NOTCH2: variants seen among roughly 807,000 people sequenced by gnomAD.
NOTCH2 encodes neurogenic locus notch homolog protein 2.
Under a neutral mutation model 235.8 loss-of-function variants are expected in NOTCH2, and 29 were observed. The observed-to-expected ratio is 0.12, with a 90% confidence interval of 0.09 to 0.17. NOTCH2 has a LOEUF of 0.17. Among genes scored for constraint, NOTCH2 ranks in the 10% least tolerant of loss-of-function variants. The probability of loss-of-function intolerance (pLI) is 1.00; values close to 1 mark genes in which losing one functional copy is unlikely to be tolerated. For missense variants in NOTCH2, 2,285 were observed against 3,150.2 expected (o/e 0.73, Z 6.57); for synonymous variants, 1,086 against 1,141.5 (o/e 0.95, Z 0.98).
intron 2 of NOTCH2, among the ~76,000 whole-genome samples, chr1:120,014,598 A>G (rs1364314586): frequency 1.5e-5 from 2 of 131,036 alleles, no homozygotes; most frequent in African/African-American, 3.1e-5. Flanking sequence ...TCACTTAAGC[A>G]GATGAAAACC....
chr1:119,950,854 A>G lies in NOTCH2; in HGVS notation c.2366-17T>C, dbSNP rs1650444720. The G allele has an allele frequency of 6.6e-7, 1 of 1,515,684 alleles. No individual in the cohort carries two copies. The highest frequency in any genetic ancestry group is 9.2e-7 in the Non-Finnish European group (1 of 1,090,330). 93.9% of individuals were successfully genotyped at this position (1,515,684 alleles called of 1,614,324 possible). A position where few individuals can be genotyped will look rare whatever the true frequency, so the allele number is the denominator to read the frequency against. Reference sequence around the variant, plus strand: ...AGTTATAGCCTGTAGACAAAAGGAAAAAACCAAAAACAGTAAAACTTTCTG... The same window carrying G: ...AGTTATAGCCTGTAGACAAAAGGAAGAAACCAAAAACAGTAAAACTTTCTG... On this transcript the variant is annotated splice_polypyrimidine_tract_variant and intron_variant, in intron 14 of 33. Transcript: ENST00000256646.
chr1:119,977,036 T>C (rs1352443329), intron 5 of NOTCH2, among the ~76,000 whole-genome samples: 2 of 152,098 alleles, frequency 1.3e-5, no homozygotes, highest in African/African-American at 4.8e-5. Flanking sequence ...GAGAATTATA[T>C]TGTCTATGCC....
In NOTCH2 at chr1:119,975,543, G is replaced by A. The variant is rs587728084; in HGVS notation, c.875-5799C>T. On this transcript the variant is annotated intron_variant, in intron 5 of 33. Coordinates refer to ENST00000256646, the MANE Select transcript of NOTCH2 (RefSeq NM_024408.4). ...TGCCTGTAGTCCCAGCTACTTGGGA[G>A]GCTGAGGCAGGAGAATCGCTTGAAT... Among the ~76,000 whole-genome samples, 23 of 152,088 alleles carry A rather than the reference G, an allele frequency of 1.5e-4. No homozygotes were observed. The East Asian group carries it at 4.3e-3, about 28-fold the overall frequency.
intron 29 of NOTCH2, 107 bp downstream of exon 29, chr1:119,921,606 A>T: frequency 1.1e-6 from 1 of 900,728 alleles, no homozygotes; most frequent in Admixed American, 1.8e-5. Flanking sequence ...AGACATCAAG[A>T]CTATCACTCT....
chr1:119,976,063 T>C (rs1459211728), intron 5 of NOTCH2, among the ~76,000 whole-genome samples: 3 of 152,158 alleles, frequency 2.0e-5, no homozygotes, highest in African/African-American at 7.2e-5. Context: ...CAGTTAAGGG[T>C]CAACTCTCAT....
At chr1:119,932,924 T>A (rs1245592682) in intron 22 of NOTCH2, among the ~76,000 whole-genome samples, 1 of 152,200 alleles carries the variant, frequency 6.6e-6, no homozygotes, top group Non-Finnish European at 1.5e-5. Flanking sequence ...GAGATGGGAA[T>A]GAGAAGTATT....
rs1175903456 is a variant in NOTCH2 at position 119,925,379 on chromosome 1, C to A, written c.4437G>T (p.Gln1479His). 17 of 1,614,206 alleles carry A rather than the reference C, an allele frequency of 1.1e-5. No homozygotes were observed. The highest frequency in any genetic ancestry group is 1.4e-5 in the Non-Finnish European group (16 of 1,180,040). ...CGACCGTGTTGCACAGCTCATCACA[C>A]TGGTTGTTGATATAATCCCAGCAGG... ...PLPCWDYINN[Q>H]CDELCNTVEC... The change falls in exon 25 of 34, where the codon CAG becomes CAT. Residue 1479 changes from glutamine to histidine, a missense_variant. Physicochemically the swap from Gln to His is conservative, Grantham distance 24. Around this residue, in one of 6 missense-constraint regions of NOTCH2, gnomAD observed 1,173 missense variants for 1,515.3 expected, o/e 0.77. Coordinates refer to ENST00000256646, the MANE Select transcript of NOTCH2 (RefSeq NM_024408.4).
At chr1:119,946,804 G>A (rs1162512589) in intron 17 of NOTCH2, among the ~76,000 whole-genome samples, 1 of 152,012 alleles carries the variant, frequency 6.6e-6, no homozygotes, top group Non-Finnish European at 1.5e-5. Context: ...ATTTATTGAA[G>A]ATCTTAGTAC....
chr1:119,962,292 G>A (rs1020233890), intron 11 of NOTCH2, among the ~76,000 whole-genome samples: 1 of 152,188 alleles, frequency 6.6e-6, no homozygotes, highest in African/African-American at 2.4e-5. Context: ...TGATAGCAAA[G>A]TCTAAAGCCC....
chr1:119,963,503 T>C, intron 11 of NOTCH2, 71 bp downstream of exon 11: 1 of 1,355,234 alleles, frequency 7.4e-7, no homozygotes, highest in South Asian at 1.2e-5. Context: ...GCCAACAGTC[T>C]GAAACATCTG....
At chr1:119,936,781 C>G (rs1553195776) in intron 21 of NOTCH2, among the ~76,000 whole-genome samples, 1 of 152,168 alleles carries the variant, frequency 6.6e-6, no homozygotes, top group African/African-American at 2.4e-5. Flanking sequence ...TGACATGTAC[C>G]TTGAAGACAC....
intron 3 of NOTCH2, among the ~76,000 whole-genome samples, chr1:120,000,065 T>C (rs587627079): frequency 2.7e-4 from 41 of 152,154 alleles, no homozygotes; most frequent in African/African-American, 9.6e-4. Context: ...CAACCCTGAA[T>C]TTGGTTTCCA....
intron 32 of NOTCH2, 75 bp downstream of exon 32, chr1:119,918,331 G>A (rs1649158641): frequency 6.5e-6 from 10 of 1,527,680 alleles, no homozygotes; most frequent in Non-Finnish European, 8.1e-6. Flanking sequence ...TTCTCTAAGG[G>A]TCACGTAACT....
intron 13 of NOTCH2, 59 bp downstream of exon 13, chr1:119,954,981 A>G: frequency 1.9e-6 from 3 of 1,575,974 alleles, no homozygotes; most frequent in Non-Finnish European, 8.7e-7. Flanking sequence ...CACCAGTACT[A>G]CAAGCCAACT....
At chr1:119,971,180 C>T (rs963058756) in intron 5 of NOTCH2, among the ~76,000 whole-genome samples, 17 of 152,212 alleles carry the variant, frequency 1.1e-4, no homozygotes, top group Admixed American at 2.6e-4. Flanking sequence ...TTTGGTTGCA[C>T]ATCTGTCTCC....
At chr1:120,000,911 C>T (rs1455705369) in intron 3 of NOTCH2, among the ~76,000 whole-genome samples, 1 of 151,888 alleles carries the variant, frequency 6.6e-6, no homozygotes, top group East Asian at 1.9e-4. Context: ...GTGTCCCCAC[C>T]CAAATCTCAA....
At chr1:119,928,872 A>G in intron 23 of NOTCH2, 104 bp downstream of exon 23, 1 of 950,908 alleles carries the variant, frequency 1.1e-6, no homozygotes, top group Non-Finnish European at 1.7e-6. Flanking sequence ...TTTTTCTTAT[A>G]TAAGAAAAGC....
In NOTCH2 at chr1:119,937,334, G is replaced by A. The variant is rs1649892404; in HGVS notation, c.3470C>T (p.Pro1157Leu). The A allele has an allele frequency of 6.2e-7, 1 of 1,614,068 alleles. No homozygotes were observed. The highest frequency in any genetic ancestry group is 1.1e-5 in the South Asian group (1 of 91,072). Residue 1157 changes from proline (P) to leucine (L), a missense_variant, in exon 21 of 34, where the codon CCC (proline) becomes CTC (leucine). Physicochemically the swap from Pro to Leu is moderately conservative, Grantham distance 98 (BLOSUM62 -3). This residue lies in a region of NOTCH2 where 1,173 missense variants were observed against 1,515.3 expected (regional missense o/e 0.77). Transcript: ENST00000256646. ...ACTGCATGTTGCCCCGTGCTGGCAG[G>A]GGTTGGACGCACACTCATCGAGTTG... The part of the protein sequence containing the change: ...EEQLDECASN[P>L]CQHGATCSDF...
intron 22 of NOTCH2, among the ~76,000 whole-genome samples, chr1:119,933,182 T>A (rs1649728471): frequency 1.3e-5 from 2 of 152,176 alleles, no homozygotes; most frequent in African/African-American, 2.4e-5. Context: ...GAACTCAACC[T>A]CAGCCTGAAG....
Sources: gnomAD v4.1 joint callset for allele counts (sites outside exome capture counted in the v4.1 genomes callset) on GRCh38, gnomAD v4.1.1 for gene constraint, gnomAD v4.1.1 regional missense constraint, MANE v1.5 for transcripts, NCBI Gene and HGNC (gene_info 2026-07-23, HGNC 2026-07-21) for gene names.